The following ECT2L variants were observed in gnomAD, a reference collection of about 807,000 sequenced individuals.
ECT2L encodes the protein epithelial cell-transforming sequence 2 oncogene-like.
In ECT2L, 126 loss-of-function variants were observed where a neutral mutation model predicts 122.8. That is an observed-to-expected ratio of 1.03 (90% CI 0.89 to 1.19). ECT2L has a LOEUF of 1.19. Among genes scored for constraint, ECT2L ranks in the 50% most tolerant of loss-of-function variants. The pLI is 0.00. For missense variants in ECT2L, 1,012 were observed against 1,064.1 expected (o/e 0.95, Z 0.68); for synonymous variants, 385 against 381.8 (o/e 1.01, Z -0.10).
intron 10 of ECT2L, among the ~76,000 whole-genome samples, chr6:138,859,004 A>G (rs1777724526): frequency 6.6e-6 from 1 of 151,622 alleles, no homozygotes. Flanking sequence ...CTGGCCTAGA[A>G]TTTTCCTTTT....
intron 8 of ECT2L, among the ~76,000 whole-genome samples, chr6:138,848,967 T>A (rs889251360): frequency 6.6e-6 from 1 of 152,202 alleles, no homozygotes; most frequent in Non-Finnish European, 1.5e-5. Flanking sequence ...TATTACTTTT[T>A]AAAAGTTATT....
rs534071219 is a variant in ECT2L, at chr6:138,893,164, GTTTT to G, written c.2414+4139_2414+4142del. Reference sequence around the variant, plus strand: ...CTGTGACCTTCACAAGTGCTTCTCAGTTTTTTTTTGTTTTTTTTTTGTTTTTTTT... The same window carrying G: ...CTGTGACCTTCACAAGTGCTTCTCAGTTTTTGTTTTTTTTTTGTTTTTTTT... On this transcript the variant is annotated intron_variant, in intron 20 of 21. Coordinates refer to ENST00000541398, the MANE Select transcript of ECT2L (RefSeq NM_001077706.3). 7.1e-5 allele frequency among the ~76,000 whole-genome samples: 10 copies of G among 140,690 alleles called. No individual in the cohort carries two copies. The South Asian group carries it at 1.1e-3, about 16-fold the overall frequency. The allele number at this position is 140,690 out of a possible 152,430, so 92.3% of individuals were successfully genotyped here.
chr6:138,834,390 C>T (rs774032432), intron 4 of ECT2L, among the ~76,000 whole-genome samples: 1 of 151,982 alleles, frequency 6.6e-6, no homozygotes, highest in Non-Finnish European at 1.5e-5. Context: ...ATTCATTATA[C>T]TCAAACGTGT....
intron 4 of ECT2L, among the ~76,000 whole-genome samples, chr6:138,826,370 G>A (rs1266568526): frequency 6.6e-6 from 1 of 152,046 alleles, no homozygotes; most frequent in Non-Finnish European, 1.5e-5. Context: ...CTTTATTTTG[G>A]GAAAATTCAA....
chr6:138,841,276 G>T (rs1777030045), intron 5 of ECT2L, among the ~76,000 whole-genome samples: 1 of 152,144 alleles, frequency 6.6e-6, no homozygotes, highest in Non-Finnish European at 1.5e-5. Flanking sequence ...TCTATTGTGT[G>T]TTCTAGTTAA....
chr6:138,843,052 G>C lies in ECT2L; in HGVS notation c.416G>C (p.Gly139Ala), dbSNP rs1159612686. The change falls in exon 6 of 22, where the codon GGT becomes GCT. Residue 139 changes from glycine (G) to alanine (A), a missense_variant. Transcript: ENST00000541398. ...TATACTCCAACAGATAATGAGTATG[G>C]TGCTTGGAAGCGCCATTACATTGCT... Reference protein sequence around the residue: ...LPYTPTDNEYGAWKRHYIACV... With the variant: ...LPYTPTDNEYAAWKRHYIACV... The C allele has an allele frequency of 1.9e-6, 3 of 1,613,542 alleles. No individual in the cohort carries two copies. The highest frequency in any genetic ancestry group is 2.5e-6 in the Non-Finnish European group (3 of 1,179,702).
chr6:138,879,883 G>A (rs1778586207), intron 14 of ECT2L, among the ~76,000 whole-genome samples: 1 of 152,170 alleles, frequency 6.6e-6, no homozygotes, highest in South Asian at 2.1e-4. Context: ...AACCCAGGAG[G>A]CGGAGGTTGC....
At chr6:138,815,102 G>A (rs1776024441) in intron 4 of ECT2L, among the ~76,000 whole-genome samples, 1 of 152,108 alleles carries the variant, frequency 6.6e-6, no homozygotes, top group South Asian at 2.1e-4. Flanking sequence ...CTCATGTTAT[G>A]TCTGTAATTT....
At chr6:138,828,423 C>T (rs1209290494) in intron 4 of ECT2L, among the ~76,000 whole-genome samples, 5 of 152,130 alleles carry the variant, frequency 3.3e-5, no homozygotes, top group African/African-American at 1.2e-4. Context: ...AACCTTCTGC[C>T]TCCCCTTTTC....
chr6:138,847,355 CTTTTTTTTTT>C (rs1170631663), intron 8 of ECT2L, among the ~76,000 whole-genome samples: 8 of 54,954 alleles, frequency 1.5e-4, no homozygotes, highest in East Asian at 6.3e-4. Context: ...AAGGCCCAAA[CTTTTTTTTTT>C]TTTTTTTTTT....
chr6:138,898,200 T>C (rs899827044), intron 20 of ECT2L, among the ~76,000 whole-genome samples: 3 of 152,194 alleles, frequency 2.0e-5, no homozygotes, highest in African/African-American at 7.2e-5. Context: ...GCTTCCTCTC[T>C]CCCTCATCCT....
rs186325492 is a variant in ECT2L, at chr6:138,885,409, T to C, written c.2029-97T>C. The C allele has an allele frequency of 5.0e-3, 6,037 of 1,208,616 alleles. 27 individuals carry two copies. The highest frequency in any genetic ancestry group is 6.0e-3 in the Non-Finnish European group (4,944 of 825,978). The allele number at this position is 1,208,616 out of a possible 1,614,324, so 74.9% of individuals were successfully genotyped here. ...ATTGGTTAGACATAGATGTTGCCCT[T>C]TTGCTTCAGGCATTCCATAGATCAT... On this transcript the variant is annotated intron_variant, in intron 16 of 21. Coordinates refer to ENST00000541398, the MANE Select transcript of ECT2L (RefSeq NM_001077706.3).
chr6:138,854,568 A>G (rs1777553765), intron 10 of ECT2L, among the ~76,000 whole-genome samples: 1 of 152,182 alleles, frequency 6.6e-6, no homozygotes, highest in Non-Finnish European at 1.5e-5. Context: ...CGCCAATGTC[A>G]TTGTTTAGCT....
chr6:138,901,250 A>G (rs184819503), intron 21 of ECT2L, 130 bp downstream of exon 21: 1 of 931,578 alleles, frequency 1.1e-6, no homozygotes, highest in Non-Finnish European at 1.6e-6. Context: ...CCCCAATATT[A>G]GAATTTCATT....
intron 4 of ECT2L, among the ~76,000 whole-genome samples, chr6:138,821,018 C>CTGGT (rs1776250020): frequency 6.6e-6 from 1 of 152,238 alleles, no homozygotes; most frequent in African/African-American, 2.4e-5. Flanking sequence ...CCCAGGTGAT[C>CTGGT]TGGTGTACAG....
rs926322899 is a variant in ECT2L, at chr6:138,833,719, T to C, written c.180-4633T>C. ...CAGGAGGCTGAGACAGGAGAATCGC[T>C]TGAATCCAGAAGGTGGAGGTTGCAG... On this transcript the variant is annotated intron_variant, in intron 4 of 21. Coordinates refer to ENST00000541398, the MANE Select transcript of ECT2L (RefSeq NM_001077706.3). Among the ~76,000 whole-genome samples, 4 of 151,940 alleles carry C rather than the reference T, an allele frequency of 2.6e-5. No individual in the cohort carries two copies. In the East Asian group the frequency reaches 7.7e-4, roughly 29 times the overall value.
chr6:138,899,268 T>C (rs575604717), intron 20 of ECT2L, among the ~76,000 whole-genome samples: 2 of 152,184 alleles, frequency 1.3e-5, no homozygotes, highest in Admixed American at 1.3e-4. Context: ...AAGAGTTGAA[T>C]AAATGATGGT....
chr6:138,882,613 C>A, intron 15 of ECT2L, 111 bp from the exon 16 acceptor site: 1 of 1,323,130 alleles, frequency 7.6e-7, no homozygotes, highest in Middle Eastern at 1.9e-4. Flanking sequence ...TTGACCAAAA[C>A]CCTACCGTAA....
At chr6:138,804,003 A>G (rs722653) in intron 1 of ECT2L, among the ~76,000 whole-genome samples, 80,742 of 152,044 alleles carry the variant, frequency 0.53, 22,444 homozygotes, top group East Asian at 0.73. Flanking sequence ...TAGAAACTTA[A>G]ATGTTTGTGA....
Sources: gnomAD v4.1 joint callset for allele counts (sites outside exome capture counted in the v4.1 genomes callset) on GRCh38, gnomAD v4.1.1 for gene constraint, MANE v1.5 for transcripts, NCBI Gene and HGNC (gene_info 2026-07-23, HGNC 2026-07-21) for gene names.